The following NUDC variants were observed in gnomAD, a reference collection of about 807,000 sequenced individuals.
The protein encoded by NUDC is nuclear distribution C, dynein complex regulator, also known as nuclear migration protein nudC.
NUDC carries 14 observed loss-of-function variants against 45.0 expected under a neutral mutation model. The ratio of observed to expected loss-of-function variants is 0.31; its 90% CI spans 0.21 to 0.49. The LOEUF is 0.49. Among genes scored for constraint, NUDC ranks in the 20% least tolerant of loss-of-function variants. NUDC has a pLI of 0.99. For missense variants in NUDC, 323 were observed against 426.2 expected, an observed-to-expected ratio of 0.76 and a Z score of 2.13; for synonymous variants, 153 against 156.7, an observed-to-expected ratio of 0.98 and a Z score of 0.17.
chr1:26,943,191 C>CT (rs2082293007), intron 6 of NUDC, 126 bp downstream of exon 6: 1 of 987,526 alleles, frequency 1.0e-6, no homozygotes, highest in Non-Finnish European at 1.6e-6. Context: ...TGACAACACT[C>CT]TTTAAAGTAG....
chr1:26,924,742 G>A (rs952420816), intron 2 of NUDC, among the ~76,000 whole-genome samples: 23 of 152,050 alleles, frequency 1.5e-4, no homozygotes, highest in African/African-American at 5.3e-4. Context: ...TGATAGAGAC[G>A]AGGTTTCATC....
chr1:26,913,630 G>C, intron 3 of NUDC: 1 of 1,614,008 alleles, frequency 6.2e-7, no homozygotes, highest in Non-Finnish European at 8.5e-7. Flanking sequence ...AAAGGTCACA[G>C]CATCTTGGGC....
At chr1:26,907,854 A>G (rs1187795939) in intron 2 of NUDC, among the ~76,000 whole-genome samples, 2 of 152,186 alleles carry the variant, frequency 1.3e-5, no homozygotes, top group African/African-American at 4.8e-5. Context: ...TGCTGACAAG[A>G]ACCCTCCAGA....
chr1:26,920,977 A>G (rs1292892961), upstream of NUDC, among the ~76,000 whole-genome samples: 2 of 152,146 alleles, frequency 1.3e-5, no homozygotes, highest in South Asian at 2.1e-4. Flanking sequence ...GTGTTTGTAA[A>G]TTGAAGGGAA....
At chr1:26,922,222 C>T (rs890099006) in intron 1 of NUDC, 5 of 516,440 alleles carry the variant, frequency 9.7e-6, no homozygotes, top group Non-Finnish European at 1.8e-5. Context: ...TTGATGGCGG[C>T]TTCCAAGGAG....
At chr1:26,911,193 A>G (rs2124065066) in exon 3 of NUDC, 1 of 469,946 alleles carries the variant, frequency 2.1e-6, no homozygotes, top group East Asian at 7.0e-5. Flanking sequence ...TCAATTCGGG[A>G]GTGGGCTGCT....
In NUDC at chr1:26,914,966, CAA is replaced by C. The variant is rs2082053471; in HGVS notation, c.93+3737_93+3738del. Among the ~76,000 whole-genome samples, 4 of 143,066 alleles carry C rather than the reference CAA, an allele frequency of 2.8e-5. No individual in the cohort carries two copies. In the South Asian group the frequency reaches 6.5e-4, roughly 23 times the overall value. The allele number at this position is 143,066 out of a possible 152,430, so 93.9% of individuals were successfully genotyped here. On this transcript the variant is annotated intron_variant, in intron 3 of 6. Transcript: ENST00000435827. ...TGGGCAACAGAGCAAGATCCTGTCTCAAAAAAATATATATGTATATGTATATG... is the reference window on the plus strand; with the variant it reads ...TGGGCAACAGAGCAAGATCCTGTCTCAAAAATATATATGTATATGTATATG...
At chr1:26,942,547 C>A (rs2082286676) in intron 4 of NUDC, 113 bp from the exon 5 acceptor site, 2 of 1,492,648 alleles carry the variant, frequency 1.3e-6, no homozygotes, top group Admixed American at 1.7e-5. Flanking sequence ...GGGACCAGGT[C>A]TGTTTTCTTT....
In NUDC at chr1:26,915,058, CAT is replaced by C. The variant is rs67296768; in HGVS notation, c.93+3840_93+3841del. ...ATATATATATACACATACATACATA[CAT>C]ATATATATATATATATGTATATATA... is the stretch of plus-strand genomic sequence containing the variant. On this transcript the variant is annotated intron_variant, in intron 3 of 6. Transcript: ENST00000435827. Among the ~76,000 whole-genome samples, 1,089 of 140,448 alleles carry C rather than the reference CAT, an allele frequency of 7.8e-3. 8 individuals carry two copies. Among genetic ancestry groups the C allele is most frequent in the South Asian group, 0.026 (116 of 4,448 alleles). The allele number at this position is 140,448 out of a possible 152,430, so 92.1% of individuals were successfully genotyped here.
intron 1 of NUDC, chr1:26,900,587 T>A (rs2081973591): frequency 4.5e-6 from 3 of 670,714 alleles, no homozygotes; most frequent in Non-Finnish European, 7.5e-6. Context: ...AGATCCGAAG[T>A]CTTCTGTGTT....
At chr1:26,933,991 A>G (rs2082205481) in intron 2 of NUDC, among the ~76,000 whole-genome samples, 1 of 152,130 alleles carries the variant, frequency 6.6e-6, no homozygotes. Flanking sequence ...CAGCTCTCCT[A>G]AAAATACAAA....
chr1:26,929,339 G>C (rs1171498695), intron 2 of NUDC, among the ~76,000 whole-genome samples: 1 of 151,830 alleles, frequency 6.6e-6, no homozygotes, highest in Non-Finnish European at 1.5e-5. Context: ...TTGGGTGGCT[G>C]AGATGGGAGG....
In NUDC at chr1:26,925,295, C is replaced by T. The variant is rs758688039; in HGVS notation, c.159+1129C>T. Among the ~76,000 whole-genome samples the T allele has an allele frequency of 6.0e-5, 9 of 150,996 alleles. No individual in the cohort carries two copies. In the East Asian group the frequency reaches 6.0e-4, roughly 10 times the overall value. On this transcript the variant is annotated intron_variant, in intron 2 of 8. Coordinates refer to ENST00000321265, the MANE Select transcript of NUDC (RefSeq NM_006600.4). ...GTGGCTCACGCCTGTAATCCCAGCA[C>T]TTTGGGAGGCCGAGGCTGGCGGATC...
intron 1 of NUDC, among the ~76,000 whole-genome samples, chr1:26,923,633 A>G (rs1350436975): frequency 6.6e-6 from 1 of 152,002 alleles, no homozygotes. Flanking sequence ...CCTGTAATCT[A>G]GCTAATTTTT....
At chr1:26,917,996 ACAC>A (rs1341986727), upstream of NUDC, among the ~76,000 whole-genome samples, 1 of 152,024 alleles carries the variant, frequency 6.6e-6, no homozygotes, top group East Asian at 1.9e-4. Flanking sequence ...ACACACACAC[ACAC>A]ATTTACAATT....
intron 2 of NUDC, chr1:26,929,722 G>T: frequency 2.2e-6 from 1 of 454,872 alleles, no homozygotes; most frequent in Non-Finnish European, 4.5e-6. Context: ...AAAAGTTACT[G>T]TTTAAAAACA....
chr1:26,942,527 G>A (rs1220605323), intron 4 of NUDC, 133 bp from the exon 5 acceptor site: 5 of 1,295,988 alleles, frequency 3.9e-6, no homozygotes, highest in African/African-American at 2.9e-5. Context: ...GCCCCTCTGT[G>A]GAGTGGGCAG....
intron 5 of NUDC, 30 bp downstream of exon 5, chr1:26,942,806 AG>A: frequency 1.2e-6 from 2 of 1,614,100 alleles, no homozygotes; most frequent in Non-Finnish European, 1.7e-6. Flanking sequence ...GGTAAAGCTT[AG>A]GGGGCCAGCC....
rs750474346 is a variant in NUDC at position 26,941,676 on chromosome 1, C to T, written c.363+16C>T. ...GATTGACCAGGTGAAGGGTGGGCTT[C>T]CCTTCTCCACCCCTCAGATCCCCCC... is the stretch of plus-strand genomic sequence containing the variant. On this transcript the variant is annotated intron_variant, in intron 3 of 8. Coordinates refer to ENST00000321265, the MANE Select transcript of NUDC (RefSeq NM_006600.4). 1.1e-5 allele frequency: 18 copies of T among 1,612,592 alleles called. No individual in the cohort carries two copies. The highest frequency in any genetic ancestry group is 1.5e-5 in the Non-Finnish European group (18 of 1,179,306).
Sources: allele counts gnomAD v4.1 joint callset (sites outside exome capture counted in the v4.1 genomes callset), GRCh38; gene constraint gnomAD v4.1.1; transcripts MANE v1.5; gene names NCBI Gene and HGNC (gene_info 2026-07-23, HGNC 2026-07-21).